NRK: variants seen among roughly 807,000 people sequenced by gnomAD.
The protein encoded by NRK is nik-related protein kinase.
In NRK, 67 loss-of-function variants were observed where a neutral mutation model predicts 125.2. The ratio of observed to expected loss-of-function variants is 0.54; its 90% CI spans 0.44 to 0.66. NRK has a LOEUF of 0.66. Ranked by LOEUF, NRK falls within the 30% of genes least tolerant of loss-of-function variation. NRK has a pLI of 0.00. For synonymous variants in NRK, 458 were observed against 429.0 expected (o/e 1.07, Z -0.84); for missense variants, 1,224 against 1,192.9 (o/e 1.03, Z -0.38).
chrX:105,862,851 G>A (rs772444488), intron 2 of NRK, among the ~76,000 whole-genome samples: 2 of 112,037 alleles, frequency 1.8e-5, no homozygotes, highest in South Asian at 7.4e-4. Context: ...CAATACACTT[G>A]AGGCAAAGAG....
At chrX:105,907,658 A>G (rs762431042) in intron 11 of NRK, 5 of 112,402 alleles carry the variant, frequency 4.4e-5, no homozygotes, top group Non-Finnish European at 9.4e-5. Flanking sequence ...AGTTCCATTT[A>G]TATGGAAGTT....
chrX:105,863,582 A>G (rs1008668255), intron 2 of NRK, among the ~76,000 whole-genome samples: 1 of 112,147 alleles, frequency 8.9e-6, no homozygotes, highest in Non-Finnish European at 1.9e-5. Context: ...TCAGCTTAAC[A>G]ACACTAATGC....
chrX:105,879,407 T>C (rs1165277095), intron 2 of NRK, among the ~76,000 whole-genome samples: 1 of 110,969 alleles, frequency 9.0e-6, no homozygotes, highest in African/African-American at 3.3e-5. Flanking sequence ...ATGACTACAG[T>C]TTGGAATATG....
At chrX:105,869,375 T>A (rs2039713523) in intron 2 of NRK, among the ~76,000 whole-genome samples, 1 of 111,496 alleles carries the variant, frequency 9.0e-6, no homozygotes, top group African/African-American at 3.3e-5. Flanking sequence ...CCTTGTACTA[T>A]CTTAAATGTA....
chrX:105,915,864 C>T (rs1480422035), intron 15 of NRK, 67 bp downstream of exon 15: 3 of 589,364 alleles, frequency 5.1e-6, no homozygotes, highest in Non-Finnish European at 8.4e-6. Flanking sequence ...AAAATTATTT[C>T]ATTGATAATA....
intron 19 of NRK, 38 bp downstream of exon 19, chrX:105,925,069 A>C: frequency 2.0e-6 from 2 of 987,873 alleles, no homozygotes; most frequent in Non-Finnish European, 2.8e-6. Flanking sequence ...AACTCCTCTC[A>C]TTGCGAATGT....
chrX:105,858,178 G>A (rs1378504416), intron 2 of NRK, among the ~76,000 whole-genome samples: 1 of 111,312 alleles, frequency 9.0e-6, no homozygotes, highest in African/African-American at 3.3e-5. Context: ...TCCTTTACCA[G>A]CACAGTCAGT....
chrX:105,929,146 T>A (rs1009439830), intron 19 of NRK, among the ~76,000 whole-genome samples: 6 of 111,818 alleles, frequency 5.4e-5, no homozygotes, highest in African/African-American at 1.9e-4. Flanking sequence ...AATATTTGCT[T>A]TTTATATCTG....
At chrX:105,891,872 T>C (rs779705557) in intron 5 of NRK, among the ~76,000 whole-genome samples, 7 of 112,182 alleles carry the variant, frequency 6.2e-5, no homozygotes, top group Non-Finnish European at 1.1e-4. Context: ...CAGTTGAGAT[T>C]TTAGTAAATA....
chrX:105,891,658 C>T (rs1403129930), intron 5 of NRK, among the ~76,000 whole-genome samples: 4 of 111,377 alleles, frequency 3.6e-5, no homozygotes, highest in African/African-American at 1.3e-4. Flanking sequence ...TATTTCTGGG[C>T]GTCACTCACA....
At position 105,944,031 on chromosome X, in the gene NRK, C is replaced by G. The variant is rs1356490482; in HGVS notation, c.4049C>G (p.Thr1350Ser). ...AWAPKSFDES[T>S]AIKVCIDQSA... The stretch of plus-strand genomic sequence containing the variant: ...GCACCAAAGTCCTTTGATGAAAGCA[C>G]TGCTATTAAAGTGAGTGAGCTCCTT... The change falls in exon 24 of 29, where the codon ACT becomes AGT. Residue 1350 changes from threonine (T) to serine (S), a missense_variant. Coordinates refer to ENST00000243300, the MANE Select transcript of NRK (RefSeq NM_198465.4). 4.5e-6 allele frequency: 5 copies of G among 1,100,047 alleles called. No homozygotes were observed. The highest frequency in any genetic ancestry group is 2.4e-5 in the Admixed American group (1 of 41,450). 90.7% of individuals were successfully genotyped at this position (1,100,047 alleles called of 1,213,427 possible). A position where few individuals can be genotyped will look rare whatever the true frequency, so the allele number is the denominator to read the frequency against.
At position 105,909,721 on chromosome X, in the gene NRK, G is replaced by A. The variant is rs35756971; in HGVS notation, c.2080G>A (p.Ala694Thr). 1 of 1,183,836 alleles carries A rather than the reference G, an allele frequency of 8.4e-7. No homozygotes were observed. The highest frequency in any genetic ancestry group is 2.4e-5 in the Admixed American group (1 of 41,521). The change falls in exon 13 of 29, where the codon GCA (alanine) becomes ACA (threonine). Residue 694 changes from alanine (A) to threonine (T), a missense_variant. Ala to Thr is a moderately conservative substitution (Grantham distance 58, BLOSUM62 0). Transcript: ENST00000243300. ...ATCAAAAGTTTCTACTCTGAGGCAA[G>A]CACTGGCAAAAAGACTATCACCAAA... Reference protein sequence around the residue: ...KKSKVSTLRQALAKRLSPKRF... With the variant: ...KKSKVSTLRQTLAKRLSPKRF...
At chrX:105,936,773 G>A (rs757050703) in intron 21 of NRK, among the ~76,000 whole-genome samples, 2 of 111,483 alleles carry the variant, frequency 1.8e-5, no homozygotes, top group East Asian at 2.8e-4. Flanking sequence ...AACAAATAGA[G>A]CCAGTCAACA....
chrX:105,943,488 ATTGT>A (rs2040772971), intron 23 of NRK, among the ~76,000 whole-genome samples: 2 of 111,869 alleles, frequency 1.8e-5, no homozygotes, highest in South Asian at 3.8e-4. Flanking sequence ...CTTTTTCAAC[ATTGT>A]TTGGCTATTA....
At chrX:105,891,854 G>T (rs894182870) in intron 5 of NRK, among the ~76,000 whole-genome samples, 1 of 112,006 alleles carries the variant, frequency 8.9e-6, no homozygotes, top group African/African-American at 3.2e-5. Context: ...TCTATTCTCT[G>T]ACAATTCCAG....
At chrX:105,856,011 C>T (rs1198871476) in intron 2 of NRK, among the ~76,000 whole-genome samples, 1 of 111,574 alleles carries the variant, frequency 9.0e-6, no homozygotes, top group Non-Finnish European at 1.9e-5. Flanking sequence ...TTCTATTGAT[C>T]AGTTTCCTGT....
At position 105,822,624 on chromosome X, in the gene NRK, A is replaced by G. The variant is rs1265345036; in HGVS notation, c.-222A>G. On this transcript the variant is annotated 5_prime_UTR_variant, in exon 1 of 29. Coordinates refer to ENST00000243300, the MANE Select transcript of NRK (RefSeq NM_198465.4). ...CAGGCTCCTCTCTCGCCTTAGCCCA[A>G]CTTGCTTTCCCGCCTCGCAAACTCC... The G allele has an allele frequency of 1.2e-4, 56 of 453,229 alleles. No individual in the cohort carries two copies. Among genetic ancestry groups the G allele is most frequent in the Non-Finnish European group, 4.3e-5 (11 of 255,603 alleles). 37.4% of individuals were successfully genotyped at this position (453,229 alleles called of 1,213,427 possible). A position where few individuals can be genotyped will look rare whatever the true frequency, so the allele number is the denominator to read the frequency against.
At chrX:105,924,591 A>G in intron 18 of NRK, 104 bp from the exon 19 acceptor site, 2 of 618,921 alleles carry the variant, frequency 3.2e-6, no homozygotes, top group South Asian at 3.0e-5. Context: ...AAGCCTGGGC[A>G]TGGTAGATAT....
intron 2 of NRK, among the ~76,000 whole-genome samples, chrX:105,861,996 G>C (rs902813185): frequency 6.2e-5 from 7 of 112,171 alleles, no homozygotes; most frequent in African/African-American, 2.3e-4. Context: ...CTGGGAGGCA[G>C]AGGTTGCAGT....
Sources: gnomAD v4.1 joint callset for allele counts (sites outside exome capture counted in the v4.1 genomes callset) on GRCh38, gnomAD v4.1.1 for gene constraint, MANE v1.5 for transcripts, NCBI Gene and HGNC (gene_info 2026-07-23, HGNC 2026-07-21) for gene names.